Variants in ZNF420 observed in about 807,000 individuals in gnomAD.
ZNF420 encodes the protein ATM and p53-associated KZNF protein.
ZNF420 carries 31 observed loss-of-function variants against 44.7 expected under a neutral mutation model. That is an observed-to-expected ratio of 0.69 (90% CI 0.52 to 0.94). The LOEUF is 0.94. Among genes scored for constraint, ZNF420 ranks in the 40% least tolerant of loss-of-function variants. The pLI, the probability that ZNF420 is intolerant of heterozygous loss-of-function variation, is 0.00. For missense variants in ZNF420, 681 were observed against 827.9 expected (o/e 0.82, Z 2.18); for synonymous variants, 245 against 267.4 (o/e 0.92, Z 0.82).
At chr19:37,048,548 A>G (rs1407859076) in intron 1 of ZNF420, among the ~76,000 whole-genome samples, 2 of 152,188 alleles carry the variant, frequency 1.3e-5, no homozygotes, top group Admixed American at 1.3e-4. Flanking sequence ...ATTGTTTCAT[A>G]TTGGAGGAAA....
At chr19:37,013,692 G>A (rs989925808) in intron 1 of ZNF420, among the ~76,000 whole-genome samples, 1 of 152,104 alleles carries the variant, frequency 6.6e-6, no homozygotes, top group South Asian at 2.1e-4. Flanking sequence ...ACGGTCCCAC[G>A]GACCTCAAGC....
chr19:37,054,064 G>C (rs1204892060), intron 1 of ZNF420, among the ~76,000 whole-genome samples: 1 of 152,182 alleles, frequency 6.6e-6, no homozygotes, highest in Non-Finnish European at 1.5e-5. Context: ...AATGGCTGGC[G>C]CCCCTCCCCC....
chr19:37,043,028 C>T (rs1303582063), intron 1 of ZNF420, among the ~76,000 whole-genome samples: 1 of 152,184 alleles, frequency 6.6e-6, no homozygotes, highest in East Asian at 1.9e-4. Context: ...TATCAATTAA[C>T]TTTGCCATCG....
intron 4 of ZNF420, among the ~76,000 whole-genome samples, chr19:37,104,338 G>C (rs1969958062): frequency 3.3e-5 from 5 of 152,074 alleles, no homozygotes; most frequent in Admixed American, 6.5e-5. Context: ...TGGCTGCATA[G>C]TATTCCATGG....
intron 4 of ZNF420, among the ~76,000 whole-genome samples, chr19:37,100,994 C>CTTTTT (rs35330746): frequency 7.3e-6 from 1 of 137,064 alleles, no homozygotes; most frequent in East Asian, 2.2e-4. Flanking sequence ...AAATTTATTC[C>CTTTTT]TTTTTTTTTT....
At chr19:37,023,197 C>T (rs2074662222) in intron 1 of ZNF420, among the ~76,000 whole-genome samples, 1 of 152,088 alleles carries the variant, frequency 6.6e-6, no homozygotes, top group Non-Finnish European at 1.5e-5. Flanking sequence ...CATCACACAG[C>T]TCTGTTTGAT....
At chr19:37,094,169 TG>T (rs1372277174) in intron 4 of ZNF420, among the ~76,000 whole-genome samples, 2 of 152,202 alleles carry the variant, frequency 1.3e-5, no homozygotes, top group African/African-American at 4.8e-5. Context: ...CACTGCACTG[TG>T]GTATTATCTG....
chr19:37,056,971 CA>C (rs1744601904), intron 1 of ZNF420, among the ~76,000 whole-genome samples: 5 of 152,394 alleles, frequency 3.3e-5, no homozygotes, highest in Admixed American at 3.3e-4. Flanking sequence ...TGACTTCCAG[CA>C]GCGGAGCGCG....
At chr19:37,038,878 C>T (rs180790971) in intron 1 of ZNF420, among the ~76,000 whole-genome samples, 69 of 152,014 alleles carry the variant, frequency 4.5e-4, no homozygotes, top group South Asian at 2.1e-4. Flanking sequence ...ACCAGCTCCT[C>T]GGGCGTCTGA....
chr19:37,009,520 G>A (rs921611935), intron 1 of ZNF420, among the ~76,000 whole-genome samples: 1 of 152,208 alleles, frequency 6.6e-6, no homozygotes, highest in African/African-American at 2.4e-5. Flanking sequence ...GGGGACGCCA[G>A]TGCCACGTTT....
Position 37,031,007 on chromosome 19 carries a change from C to T in ZNF420, c.-125+22925C>T, listed in dbSNP as rs528984487. On this transcript the variant is annotated intron_variant, in intron 1 of 4. Transcript: ENST00000587029. ...GTAGCTGGGATTATAGGTGCCCCCC[C>T]ACCACGCCCGGCTAATTTTTGTATT... Among the ~76,000 whole-genome samples, 5 of 152,108 alleles carry T rather than the reference C, an allele frequency of 3.3e-5. No homozygotes were observed. The East Asian group carries it at 9.7e-4, about 29-fold the overall frequency.
chr19:37,098,293 A>G (rs1969575197), intron 4 of ZNF420, among the ~76,000 whole-genome samples: 1 of 152,130 alleles, frequency 6.6e-6, no homozygotes, highest in African/African-American at 2.4e-5. Flanking sequence ...CAGTAAACCT[A>G]CCAGTCACTG....
chr19:37,033,563 C>T (rs918545538), intron 1 of ZNF420, among the ~76,000 whole-genome samples: 23 of 152,116 alleles, frequency 1.5e-4, no homozygotes, highest in African/African-American at 5.6e-4. Context: ...AATAATATTC[C>T]ACTGTATGTC....
chr19:37,017,377 G>C (rs2074615766), intron 1 of ZNF420, among the ~76,000 whole-genome samples: 1 of 152,194 alleles, frequency 6.6e-6, no homozygotes, highest in African/African-American at 2.4e-5. Context: ...GGTATGAGAA[G>C]TACTGAGAGT....
At chr19:37,049,402 G>A (rs1217703525) in intron 1 of ZNF420, among the ~76,000 whole-genome samples, 3 of 152,192 alleles carry the variant, frequency 2.0e-5, no homozygotes, top group East Asian at 3.9e-4. Flanking sequence ...ATTAATGACC[G>A]CCATTCTAAC....
intron 1 of ZNF420, among the ~76,000 whole-genome samples, chr19:37,048,490 A>G (rs988965280): frequency 2.0e-5 from 3 of 152,218 alleles, no homozygotes; most frequent in Admixed American, 6.5e-5. Flanking sequence ...TACTAATAAG[A>G]TAATCCACAG....
At chr19:37,108,464 A>G (rs1242036772) in intron 4 of ZNF420, 1 of 152,190 alleles carries the variant, frequency 6.6e-6, no homozygotes, top group East Asian at 1.9e-4. Flanking sequence ...GTCTGGTTTA[A>G]TAACTATATT....
intron 1 of ZNF420, among the ~76,000 whole-genome samples, chr19:37,059,285 C>A (rs900174122): frequency 1.3e-5 from 2 of 152,188 alleles, no homozygotes; most frequent in African/African-American, 4.8e-5. Context: ...AGCTTCCCTG[C>A]CTTAGCGCAG....
chr19:37,084,540 C>T (rs1042468729), intron 2 of ZNF420, among the ~76,000 whole-genome samples: 15 of 152,070 alleles, frequency 9.9e-5, no homozygotes, highest in Non-Finnish European at 5.9e-5. Flanking sequence ...TATTTGGCCT[C>T]AAAATGTAGA....
Sources: allele counts gnomAD v4.1 joint callset (sites outside exome capture counted in the v4.1 genomes callset), GRCh38; gene constraint gnomAD v4.1.1; transcripts MANE v1.5; gene names NCBI Gene and HGNC (gene_info 2026-07-23, HGNC 2026-07-21).